The following ODF2L variants were observed in gnomAD, a reference collection of about 807,000 sequenced individuals.
ODF2L encodes the protein outer dense fiber of sperm tails 2 like.
ODF2L carries 76 observed loss-of-function variants against 86.3 expected under a neutral mutation model. The ratio of observed to expected loss-of-function variants is 0.88; its 90% CI spans 0.73 to 1.07. The LOEUF is 1.07. Among genes scored for constraint, ODF2L ranks in the 50% least tolerant of loss-of-function variants. The pLI is 0.00. For missense variants in ODF2L, 748 were observed against 717.4 expected (o/e 1.04, Z -0.49); for synonymous variants, 241 against 231.3 (o/e 1.04, Z -0.38).
At chr1:86,348,993 T>TA, downstream of ODF2L, 1 of 1,134,164 alleles carries the variant, frequency 8.8e-7, no homozygotes, top group South Asian at 2.0e-5. Context: ...TTTGATTTTT[T>TA]AAAATAATAC....
chr1:86,361,425 G>A (rs780639755), intron 11 of ODF2L, among the ~76,000 whole-genome samples: 1 of 152,112 alleles, frequency 6.6e-6, no homozygotes, highest in Non-Finnish European at 1.5e-5. Flanking sequence ...AGGGAGACAC[G>A]GTTACCATAT....
At chr1:86,368,916 T>C (rs1338812242) in intron 10 of ODF2L, among the ~76,000 whole-genome samples, 1 of 152,140 alleles carries the variant, frequency 6.6e-6, no homozygotes, top group African/African-American at 2.4e-5. Flanking sequence ...TATACATAAA[T>C]CTGTTTCCAT....
chr1:86,354,685 C>G (rs759806323), exon 16 of ODF2L: 3 of 1,606,208 alleles, frequency 1.9e-6, no homozygotes, highest in East Asian at 4.5e-5. Flanking sequence ...TCCATCTGTT[C>G]TAATTTTCTT....
intron 16 of ODF2L, 83 bp from the exon 16 acceptor site, chr1:86,353,067 T>C (rs1176374446): frequency 1.5e-5 from 13 of 872,442 alleles, no homozygotes; most frequent in Non-Finnish European, 2.3e-5. Flanking sequence ...TGTACCTTTT[T>C]TCTAAACAGA....
At chr1:86,374,383 C>T (rs1021948470) in intron 8 of ODF2L, among the ~76,000 whole-genome samples, 2 of 152,062 alleles carry the variant, frequency 1.3e-5, no homozygotes, top group Admixed American at 1.3e-4. Flanking sequence ...ATCAGTATGG[C>T]ATTCCTAGAT....
In ODF2L at chr1:86,384,580, T is replaced by C; in HGVS notation, c.372+96A>G. 3 of 817,704 alleles carry C rather than the reference T, an allele frequency of 3.7e-6. No individual in the cohort carries two copies. In the South Asian group the frequency reaches 1.3e-4, roughly 35 times the overall value. 50.7% of individuals were successfully genotyped at this position (817,704 alleles called of 1,614,324 possible). A position where few individuals can be genotyped will look rare whatever the true frequency, so the allele number is the denominator to read the frequency against. On this transcript the variant is annotated intron_variant, in intron 4 of 17. Transcript: ENST00000317336. ...ACAAAATTCAAAGCATTATTTCCAT[T>C]TCAAATATACCAATAATTTCTACAG...
At position 86,382,336 on chromosome 1, in the gene ODF2L, C is replaced by T. The variant is rs12032435; in HGVS notation, c.530G>A (p.Arg177His). Reference sequence around the variant, plus strand: ...TACTACTTTTACTGATTGGGAAAAACGGTTTGCTTTCAAAGTATTTGCCTG... The same window carrying T: ...TACTACTTTTACTGATTGGGAAAAATGGTTTGCTTTCAAAGTATTTGCCTG... The change falls in exon 7 of 18, where the codon CGT (arginine) becomes CAT (histidine). Residue 177 changes from arginine (R) to histidine (H), a missense_variant. Coordinates refer to ENST00000317336, the Ensembl canonical transcript of ODF2L. 0.011 allele frequency: 17,849 copies of T among 1,611,054 alleles called. 750 individuals are homozygous for T. The East Asian group carries it at 0.13, about 12-fold the overall frequency.
chr1:86,360,451 G>A (rs762363718), exon 12 of ODF2L: 2 of 1,560,206 alleles, frequency 1.3e-6, no homozygotes, highest in East Asian at 2.3e-5. Flanking sequence ...TTCAATAAGG[G>A]TTTTCTGTTT....
rs377223863 is a variant in ODF2L at position 86,385,583 on chromosome 1, G to A, written c.121C>T (p.Gln41Ter). Reference sequence around the variant, plus strand: ...TCAGTCTTTTCATTTAGAATGTCCTGCTTCAGGCTAATTACAAATGCACAT... The same window carrying A: ...TCAGTCTTTTCATTTAGAATGTCCTACTTCAGGCTAATTACAAATGCACAT... The change falls in exon 3 of 18, where the codon CAG becomes TAG. Residue 41 changes from glutamine to a stop codon, truncating the protein, a stop_gained. Transcript: ENST00000317336. LOFTEE classifies it high-confidence loss of function. 1.2e-6 allele frequency: 2 copies of A among 1,609,928 alleles called. No homozygotes were observed. The highest frequency in any genetic ancestry group is 2.2e-5 in the South Asian group (2 of 90,664).
chr1:86,394,547 T>G (rs939534418), intron 1 of ODF2L, among the ~76,000 whole-genome samples: 2 of 152,168 alleles, frequency 1.3e-5, no homozygotes, highest in Non-Finnish European at 2.9e-5. Context: ...AGATGAAAAC[T>G]GTTCTGGACA....
intron 14 of ODF2L, chr1:86,355,313 A>G: frequency 7.0e-7 from 1 of 1,430,412 alleles, no homozygotes; most frequent in South Asian, 1.3e-5. Flanking sequence ...TTTGAGAAGC[A>G]AAGTGAACAA....
chr1:86,356,713 CT>C (rs1180260456), intron 13 of ODF2L, 111 bp from the exon 13 acceptor site: 1 of 812,136 alleles, frequency 1.2e-6, no homozygotes, highest in Non-Finnish European at 1.8e-6. Flanking sequence ...GGTATAATGG[CT>C]TTAAATAAGA....
chr1:86,346,977 T>A (rs545824672), downstream of ODF2L: 20 of 152,370 alleles, frequency 1.3e-4, no homozygotes, highest in African/African-American at 4.8e-4. Context: ...AACCTTTCCA[T>A]GTCTTAGTTT....
exon 18 of ODF2L, chr1:86,351,953 CA>C (rs923727542): frequency 8.2e-7 from 1 of 1,221,324 alleles, no homozygotes; most frequent in Non-Finnish European, 1.0e-6. Context: ...TTCAATTACA[CA>C]AAAAAACAGC....
chr1:86,382,956 A>C (rs2101316033), exon 6 of ODF2L: 1 of 1,570,266 alleles, frequency 6.4e-7, no homozygotes, highest in South Asian at 1.1e-5. Context: ...CAAACAAGAA[A>C]GTTCTTGGAT....
Position 86,371,734 on chromosome 1 carries a change from C to T in ODF2L, c.921-581G>A, listed in dbSNP as rs539783659. 1.6e-4 allele frequency among the ~76,000 whole-genome samples: 24 copies of T among 151,858 alleles called. No homozygotes were observed. In the South Asian group the frequency reaches 4.4e-3, roughly 28 times the overall value. ...TCACTTTAAGGAACAATCATTTTTA[C>T]GATTTTCAAAGCAGTTATTATAAAC... On this transcript the variant is annotated intron_variant, in intron 9 of 17. Transcript: ENST00000317336.
chr1:86,353,425 C>T (rs1198704340), intron 16 of ODF2L, among the ~76,000 whole-genome samples: 1 of 152,166 alleles, frequency 6.6e-6, no homozygotes, highest in East Asian at 1.9e-4. Flanking sequence ...CAAACACACA[C>T]ACACAAACAC....
At chr1:86,373,338 G>A (rs916275231) in intron 8 of ODF2L, among the ~76,000 whole-genome samples, 14 of 149,642 alleles carry the variant, frequency 9.4e-5, no homozygotes, top group African/African-American at 2.9e-4. Flanking sequence ...CAGTGGCACG[G>A]TCATGATGGT....
chr1:86,377,022 G>A (rs1041000738), intron 7 of ODF2L, among the ~76,000 whole-genome samples: 2 of 152,124 alleles, frequency 1.3e-5, no homozygotes, highest in Admixed American at 1.3e-4. Context: ...TCTGAGACAA[G>A]GCAAGTCCCT....
Sources: allele counts gnomAD v4.1 joint callset (sites outside exome capture counted in the v4.1 genomes callset), GRCh38; gene constraint gnomAD v4.1.1; transcripts MANE v1.5; gene names NCBI Gene and HGNC (gene_info 2026-07-23, HGNC 2026-07-21).